The following RANBP2 variants were observed in gnomAD, a reference collection of about 807,000 sequenced individuals.
The protein encoded by RANBP2 is RAN binding protein 2.
In RANBP2, 57 loss-of-function variants were observed where a neutral mutation model predicts 303.6. The observed-to-expected ratio is 0.19, with a 90% CI of 0.15 to 0.23. The LOEUF is 0.23. RANBP2 is among the 10% of genes least tolerant of loss of function. The pLI, the probability that RANBP2 is intolerant of heterozygous loss-of-function variation, is 1.00. For synonymous variants in RANBP2, 1,167 were observed against 1,301.5 expected, an observed-to-expected ratio of 0.90 and a Z score of 2.23; for missense variants, 3,138 against 3,780.8, an observed-to-expected ratio of 0.83 and a Z score of 4.46.
At chr2:108,857,062 ATTGCTTT>A in the RANBP2 span, 1 of 110,722 alleles carries the variant, frequency 9.0e-6, no homozygotes, top group Non-Finnish European at 1.6e-5. Flanking sequence ...ATCAGATACT[ATTGCTTT>A]TTTTTTTTTT....
At chr2:109,567,515 G>A in the RANBP2 span, among the ~76,000 whole-genome samples, 1 of 152,144 alleles carries the variant, frequency 6.6e-6, no homozygotes, top group Non-Finnish European at 1.5e-5. Flanking sequence ...GTAGGAAGGT[G>A]TCATCTTTCT....
chr2:109,201,796 AT>A, the RANBP2 span, among the ~76,000 whole-genome samples: 1 of 152,152 alleles, frequency 6.6e-6, no homozygotes, highest in Non-Finnish European at 1.5e-5. Context: ...GTGGGTATAA[AT>A]GCTGCTCAGC....
chr2:109,207,091 C>G, the RANBP2 span, among the ~76,000 whole-genome samples: 2 of 152,150 alleles, frequency 1.3e-5, no homozygotes, highest in South Asian at 4.1e-4. Context: ...TTAGTGCGCT[C>G]AAGAAGAAGG....
chr2:109,625,952 C>A, the RANBP2 span, among the ~76,000 whole-genome samples: 1 of 152,008 alleles, frequency 6.6e-6, no homozygotes. Context: ...CTGTGGTGTT[C>A]CCTTTCTTTA....
the RANBP2 span, chr2:109,503,411 G>T: frequency 1.3e-5 from 2 of 152,092 alleles, no homozygotes; most frequent in African/African-American, 2.4e-5. Context: ...TTACTTCCAG[G>T]TGGTCACCAC....
At chr2:108,910,469 G>A in the RANBP2 span, 1 of 1,613,642 alleles carries the variant, frequency 6.2e-7, no homozygotes, top group Non-Finnish European at 8.5e-7. Flanking sequence ...CCTCTTGGTG[G>A]GCTTTGCTGG....
At chr2:109,424,221 T>G in the RANBP2 span, among the ~76,000 whole-genome samples, 1 of 152,310 alleles carries the variant, frequency 6.6e-6, no homozygotes, top group South Asian at 2.1e-4. Context: ...CTGCGGAGTT[T>G]CCCCATTGGA....
chr2:109,627,522 T>C, the RANBP2 span, among the ~76,000 whole-genome samples: 1 of 152,142 alleles, frequency 6.6e-6, no homozygotes, highest in Non-Finnish European at 1.5e-5. Context: ...TGGAAGAACA[T>C]AAAAGGCCTG....
chr2:109,738,071 G>T, the RANBP2 span, among the ~76,000 whole-genome samples: 16 of 150,390 alleles, frequency 1.1e-4, no homozygotes, highest in South Asian at 3.4e-3. Flanking sequence ...GCTGTGCAGA[G>T]GTTTTTTAGT....
At chr2:109,331,117 G>A in the RANBP2 span, among the ~76,000 whole-genome samples, 1 of 152,164 alleles carries the variant, frequency 6.6e-6, no homozygotes, top group African/African-American at 2.4e-5. Flanking sequence ...AAGATGGCCA[G>A]GAGATAAACT....
At chr2:109,180,960 A>G in the RANBP2 span, among the ~76,000 whole-genome samples, 1 of 152,262 alleles carries the variant, frequency 6.6e-6, no homozygotes, top group Admixed American at 6.5e-5. Flanking sequence ...CAATATGTTT[A>G]CCCTGATGCA....
chr2:109,663,202 C>G, the RANBP2 span, among the ~76,000 whole-genome samples: 1 of 152,236 alleles, frequency 6.6e-6, no homozygotes, highest in Non-Finnish European at 1.5e-5. Flanking sequence ...CATATTCATT[C>G]ATTAGAGCTC....
At chr2:109,675,891 C>T in the RANBP2 span, among the ~76,000 whole-genome samples, 1 of 152,080 alleles carries the variant, frequency 6.6e-6, no homozygotes. Context: ...CTGGGAGGGC[C>T]CAGAGAGCTG....
the RANBP2 span, among the ~76,000 whole-genome samples, chr2:109,540,890 A>T: frequency 1.3e-5 from 2 of 152,142 alleles, no homozygotes; most frequent in African/African-American, 4.8e-5. Context: ...TCGTCTATAA[A>T]GACAAAGTTC....
At chr2:108,771,558 A>T (rs1677496322) in intron 20 of RANBP2, 143 bp from the exon 21 acceptor site, 5 of 1,374,576 alleles carry the variant, frequency 3.6e-6, no homozygotes, top group Non-Finnish European at 4.8e-6. Flanking sequence ...ATTATCATAC[A>T]TCTCTGCATC....
the RANBP2 span, among the ~76,000 whole-genome samples, chr2:109,658,452 A>G: frequency 6.6e-6 from 1 of 152,118 alleles, no homozygotes; most frequent in South Asian, 2.1e-4. Flanking sequence ...CTCAAAAAAA[A>G]AAGAAAAAGA....
chr2:108,894,932 A>ACATT, the RANBP2 span: 1 of 152,186 alleles, frequency 6.6e-6, no homozygotes, highest in African/African-American at 2.4e-5. Flanking sequence ...TTCGCTGAAA[A>ACATT]CATTCTGAGG....
At chr2:108,798,145 G>T in the RANBP2 span, among the ~76,000 whole-genome samples, 1 of 152,190 alleles carries the variant, frequency 6.6e-6, no homozygotes, top group East Asian at 1.9e-4. Context: ...ATTTAAGCTG[G>T]ATCGGGAACT....
At chr2:108,825,357 G>GT in the RANBP2 span, among the ~76,000 whole-genome samples, 499 of 150,518 alleles carry the variant, frequency 3.3e-3, 4 homozygotes, top group Non-Finnish European at 2.9e-3. Flanking sequence ...GCAATTCAGT[G>GT]TTTTTTTTTC....
Sources: allele counts gnomAD v4.1 joint callset (sites outside exome capture counted in the v4.1 genomes callset), GRCh38; gene constraint gnomAD v4.1.1; transcripts MANE v1.5; gene names NCBI Gene and HGNC (gene_info 2026-07-23, HGNC 2026-07-21).